The following TUB variants were observed in gnomAD, a reference collection of about 807,000 sequenced individuals.
The protein encoded by TUB is tubby protein homolog.
A neutral mutation model predicts 59.7 loss-of-function variants in TUB; 33 were observed. The ratio of observed to expected loss-of-function variants is 0.55; its 90% CI spans 0.42 to 0.74. The LOEUF (loss-of-function observed/expected upper bound fraction) is 0.74, where lower values mean the gene tolerates loss of function less well. Ranked by LOEUF, TUB falls within the 30% of genes least tolerant of loss-of-function variation. The probability of loss-of-function intolerance (pLI) is 0.00; values close to 1 mark genes in which losing one functional copy is unlikely to be tolerated. For missense variants in TUB, 659 were observed against 672.0 expected, an observed-to-expected ratio of 0.98 and a Z score of 0.21; for synonymous variants, 293 against 256.4, an observed-to-expected ratio of 1.14 and a Z score of -1.36.
chr11:8,046,232 A>G (rs1157052820), intron 2 of TUB, among the ~76,000 whole-genome samples: 1 of 151,962 alleles, frequency 6.6e-6, no homozygotes, highest in African/African-American at 2.4e-5. Flanking sequence ...GCCTTGCACC[A>G]CCTTTTGTCC....
upstream of TUB, among the ~76,000 whole-genome samples, chr11:8,034,279 G>A (rs1277550729): frequency 6.6e-6 from 1 of 152,214 alleles, no homozygotes; most frequent in East Asian, 1.9e-4. Context: ...GCCCAAGGGG[G>A]AAGGACAGTG....
At chr11:8,098,504 A>C (rs1944107910) in intron 8 of TUB, among the ~76,000 whole-genome samples, 1 of 152,118 alleles carries the variant, frequency 6.6e-6, no homozygotes, top group Non-Finnish European at 1.5e-5. Context: ...AAATCTTCTG[A>C]AGAATCCTGA....
chr11:8,095,476 C>A (rs747927779), intron 4 of TUB, 22 bp from the exon 5 acceptor site: 1 of 1,593,922 alleles, frequency 6.3e-7, no homozygotes, highest in Middle Eastern at 2.1e-4. Flanking sequence ...GGATGTAACT[C>A]AGGCGTGTCC....
At chr11:8,063,920 A>C (rs1188549767) in intron 2 of TUB, among the ~76,000 whole-genome samples, 1 of 152,086 alleles carries the variant, frequency 6.6e-6, no homozygotes, top group South Asian at 2.1e-4. Context: ...GATTTTGGTC[A>C]GGAGTGGTGT....
intron 2 of TUB, among the ~76,000 whole-genome samples, chr11:8,066,734 G>C (rs2133787430): frequency 6.6e-6 from 1 of 152,300 alleles, no homozygotes. Flanking sequence ...TCTAGGAGAG[G>C]TGTAATAACT....
intron 5 of TUB, among the ~76,000 whole-genome samples, chr11:8,095,973 A>G (rs1354033275): frequency 6.6e-6 from 1 of 152,236 alleles, no homozygotes; most frequent in African/African-American, 2.4e-5. Flanking sequence ...GAGACGGGGT[A>G]GATCCTCCGT....
At chr11:8,044,450 G>A (rs989902864) in intron 2 of TUB, among the ~76,000 whole-genome samples, 8 of 151,476 alleles carry the variant, frequency 5.3e-5, no homozygotes, top group African/African-American at 1.7e-4. Flanking sequence ...TCTTTTTTAC[G>A]TGGAGTGAGT....
intron 2 of TUB, among the ~76,000 whole-genome samples, chr11:8,061,808 G>T (rs1009614604): frequency 2.6e-5 from 4 of 152,070 alleles, no homozygotes; most frequent in Admixed American, 2.0e-4. Flanking sequence ...GAACTCCAAG[G>T]TCCCCCAGCT....
At chr11:8,024,014 G>A (rs868370712) in intron 1 of TUB, among the ~76,000 whole-genome samples, 12 of 152,178 alleles carry the variant, frequency 7.9e-5, no homozygotes, top group Non-Finnish European at 1.3e-4. Flanking sequence ...AGCTGGAATT[G>A]CTTCACTTCT....
chr11:8,101,702 T>C lies in TUB; in HGVS notation c.*83T>C. The C allele has an allele frequency of 6.4e-7, 1 of 1,550,424 alleles. No homozygotes were observed. ...TGTGGAGACAGCCCTGCCTATCCTC[T>C]GTATATAGGCCTTCCGCCAGATGAA... On this transcript the variant is annotated 3_prime_UTR_variant, in exon 12 of 12. Transcript: ENST00000299506.
intron 2 of TUB, among the ~76,000 whole-genome samples, chr11:8,057,976 G>A (rs897428390): frequency 6.6e-6 from 1 of 152,076 alleles, no homozygotes; most frequent in Non-Finnish European, 1.5e-5. Flanking sequence ...TTGGGAGGCC[G>A]AGGCAGGAGG....
At chr11:8,029,474 T>G (rs1254930960) in intron 1 of TUB, among the ~76,000 whole-genome samples, 1 of 150,606 alleles carries the variant, frequency 6.6e-6, no homozygotes, top group Admixed American at 6.6e-5. Context: ...CTGCAACCTC[T>G]GCCTCTCAGG....
At chr11:8,040,580 T>C (rs1287072487) in intron 2 of TUB, among the ~76,000 whole-genome samples, 1 of 152,086 alleles carries the variant, frequency 6.6e-6, no homozygotes, top group Non-Finnish European at 1.5e-5. Flanking sequence ...ACCCCATTGC[T>C]CTCCTTTTTT....
At chr11:8,082,253 C>T (rs181606304) in intron 1 of TUB, among the ~76,000 whole-genome samples, 136 of 152,346 alleles carry the variant, frequency 8.9e-4, no homozygotes, top group Non-Finnish European at 1.6e-3. Flanking sequence ...ACTGCCCTCA[C>T]ATGCAGAAAG....
At chr11:8,100,694 G>GA (rs1554933926) in intron 10 of TUB, 93 bp downstream of exon 10, 19 of 1,482,772 alleles carry the variant, frequency 1.3e-5, no homozygotes, top group Non-Finnish European at 1.6e-5. Flanking sequence ...TGTGTATGTG[G>GA]AGGGGTACCA....
chr11:8,069,399 C>CGGG (rs5789559), intron 2 of TUB: 21 of 127,200 alleles, frequency 1.7e-4, no homozygotes, highest in Admixed American at 9.6e-4. Context: ...TGTATTCTTT[C>CGGG]GGGGGGGGGG....
chr11:8,101,724 T>A lies in TUB; in HGVS notation c.*105T>A, dbSNP rs892693580. On this transcript the variant is annotated 3_prime_UTR_variant, in exon 12 of 12. Coordinates refer to ENST00000299506, the MANE Select transcript of TUB (RefSeq NM_177972.3). ...CTCTGTATATAGGCCTTCCGCCAGA[T>A]GAAGCTTTGGCCCTCAGTGGGCTCC... 2.7e-6 allele frequency: 4 copies of A among 1,471,152 alleles called. No homozygotes were observed. The highest frequency in any genetic ancestry group is 4.6e-5 in the Admixed American group (2 of 43,134). The allele number at this position is 1,471,152 out of a possible 1,614,324, so 91.1% of individuals were successfully genotyped here.
upstream of TUB, among the ~76,000 whole-genome samples, chr11:8,081,022 G>A (rs998706587): frequency 1.3e-5 from 2 of 152,196 alleles, no homozygotes; most frequent in African/African-American, 2.4e-5. Flanking sequence ...GGACTGGCCC[G>A]GCTGCAGCGC....
chr11:8,022,951 A>G (rs906210805), intron 1 of TUB, among the ~76,000 whole-genome samples: 1 of 152,180 alleles, frequency 6.6e-6, no homozygotes, highest in Non-Finnish European at 1.5e-5. Flanking sequence ...CAACAACAAC[A>G]AAACAACTGT....
Sources: gnomAD v4.1 joint callset for allele counts (sites outside exome capture counted in the v4.1 genomes callset) on GRCh38, gnomAD v4.1.1 for gene constraint, MANE v1.5 for transcripts, NCBI Gene and HGNC (gene_info 2026-07-23, HGNC 2026-07-21) for gene names.